Variants in MAML2 observed in about 807,000 individuals in gnomAD.
The protein encoded by MAML2 is mastermind-like protein 2.
Under a neutral mutation model 96.1 loss-of-function variants are expected in MAML2, and 22 were observed. That is an observed-to-expected ratio of 0.23 (90% confidence interval 0.16 to 0.33). MAML2 has a LOEUF of 0.33. Among genes scored for constraint, MAML2 ranks in the 10% least tolerant of loss-of-function variants. The pLI is 1.00. For synonymous variants in MAML2, 561 were observed against 521.3 expected (o/e 1.08, Z -1.04); for missense variants, 1,367 against 1,392.4 (o/e 0.98, Z 0.29).
At chr11:96,289,380 T>C (rs1332032317) in intron 1 of MAML2, among the ~76,000 whole-genome samples, 1 of 152,210 alleles carries the variant, frequency 6.6e-6, no homozygotes, top group Non-Finnish European at 1.5e-5. Flanking sequence ...AACAGATCCT[T>C]ATACTTAAAC....
chr11:96,126,753 A>G (rs1165235479), intron 1 of MAML2, among the ~76,000 whole-genome samples: 2 of 152,326 alleles, frequency 1.3e-5, no homozygotes, highest in East Asian at 3.9e-4. Flanking sequence ...AAAACAATAT[A>G]AATCCAATTA....
intron 1 of MAML2, among the ~76,000 whole-genome samples, chr11:96,273,130 G>A (rs1449094322): frequency 6.6e-6 from 1 of 152,150 alleles, no homozygotes; most frequent in African/African-American, 2.4e-5. Context: ...ATGGAAACAA[G>A]AGGACAGTCA....
chr11:96,024,712 C>CCATT (rs1289951136), intron 2 of MAML2, among the ~76,000 whole-genome samples: 1 of 152,132 alleles, frequency 6.6e-6, no homozygotes, highest in Admixed American at 6.6e-5. Context: ...TGGCTGTCAC[C>CCATT]CATTCACCTT....
At chr11:96,328,936 A>G (rs1222069340) in intron 1 of MAML2, among the ~76,000 whole-genome samples, 1 of 152,206 alleles carries the variant, frequency 6.6e-6, no homozygotes, top group Non-Finnish European at 1.5e-5. Context: ...TGAAGTGGTG[A>G]CACATATAAA....
chr11:96,104,716 A>G (rs1158824865), intron 1 of MAML2, among the ~76,000 whole-genome samples: 1 of 152,208 alleles, frequency 6.6e-6, no homozygotes, highest in East Asian at 1.9e-4. Context: ...GTGCACAGCA[A>G]CAGACAGGGA....
chr11:96,193,729 T>C (rs1026235110), intron 1 of MAML2, among the ~76,000 whole-genome samples: 1 of 152,242 alleles, frequency 6.6e-6, no homozygotes, highest in Non-Finnish European at 1.5e-5. Context: ...TTCTTTAGTT[T>C]TTATCCTTTT....
At chr11:96,054,676 A>G (rs1859034882) in intron 2 of MAML2, among the ~76,000 whole-genome samples, 1 of 152,190 alleles carries the variant, frequency 6.6e-6, no homozygotes, top group South Asian at 2.1e-4. Context: ...CCATATAACC[A>G]TATTAACCCT....
intron 1 of MAML2, among the ~76,000 whole-genome samples, chr11:96,104,880 A>G (rs191584650): frequency 3.0e-4 from 46 of 152,318 alleles, no homozygotes; most frequent in Non-Finnish European, 6.2e-4. Flanking sequence ...AAAACTTTCC[A>G]ATTCCTAATT....
chr11:96,286,217 C>T (rs529381454), intron 1 of MAML2, among the ~76,000 whole-genome samples: 97 of 152,286 alleles, frequency 6.4e-4, no homozygotes, highest in South Asian at 2.1e-3. Context: ...AGCAAACTAA[C>T]GCAGGAACAG....
intron 1 of MAML2, among the ~76,000 whole-genome samples, chr11:96,337,798 C>T (rs1029155513): frequency 5.9e-5 from 9 of 152,232 alleles, no homozygotes; most frequent in Non-Finnish European, 1.2e-4. Context: ...ACTACTAACA[C>T]TAGTATTGCA....
At chr11:96,002,848 G>GGATGATGGGGATGATGAAAT (rs1858109662) in intron 2 of MAML2, among the ~76,000 whole-genome samples, 1 of 137,140 alleles carries the variant, frequency 7.3e-6, no homozygotes, top group African/African-American at 2.7e-5. Flanking sequence ...ATGATGAGGA[G>GGATGATGGGGATGATGAAAT]GATGATGGGG....
At chr11:96,175,094 G>A (rs1055647377) in intron 1 of MAML2, among the ~76,000 whole-genome samples, 1 of 152,184 alleles carries the variant, frequency 6.6e-6, no homozygotes, top group Non-Finnish European at 1.5e-5. Flanking sequence ...AACTCCTGGG[G>A]CTGACTTCTT....
intron 3 of MAML2, among the ~76,000 whole-genome samples, chr11:95,989,462 G>C (rs1857877363): frequency 6.6e-6 from 1 of 152,194 alleles, no homozygotes; most frequent in Non-Finnish European, 1.5e-5. Flanking sequence ...GACCCTCATG[G>C]AATGTATATG....
chr11:96,251,705 G>GA (rs1193598165), intron 1 of MAML2, among the ~76,000 whole-genome samples: 2 of 148,832 alleles, frequency 1.3e-5, no homozygotes, highest in African/African-American at 2.5e-5. Flanking sequence ...AGCATCAACA[G>GA]AAAAAAAGAG....
intron 2 of MAML2, among the ~76,000 whole-genome samples, chr11:96,017,522 T>G (rs922112895): frequency 6.6e-6 from 1 of 152,068 alleles, no homozygotes; most frequent in African/African-American, 2.4e-5. Flanking sequence ...AACCAACATT[T>G]TAGTGTAGGA....
At chr11:96,322,569 G>A (rs1319214174) in intron 1 of MAML2, among the ~76,000 whole-genome samples, 1 of 151,960 alleles carries the variant, frequency 6.6e-6, no homozygotes, top group African/African-American at 2.4e-5. Flanking sequence ...GCGGGCGCCT[G>A]TATTCCCAGC....
At chr11:96,049,457 T>A (rs1858957118) in intron 2 of MAML2, among the ~76,000 whole-genome samples, 1 of 152,222 alleles carries the variant, frequency 6.6e-6, no homozygotes, top group African/African-American at 2.4e-5. Context: ...GTTCCCAGTG[T>A]GTTTATAGAT....
chr11:95,985,658 G>A lies in MAML2; in HGVS notation c.2344-16C>T. ...CAATTTTCTCCTTGAGAAATGATATGAAAGCATATTATGTTGCATCATTCC... is the reference window on the plus strand; with the variant it reads ...CAATTTTCTCCTTGAGAAATGATATAAAAGCATATTATGTTGCATCATTCC... On this transcript the variant is annotated splice_polypyrimidine_tract_variant and intron_variant, in intron 3 of 4. Coordinates refer to ENST00000524717, the MANE Select transcript of MAML2 (RefSeq NM_032427.4). 1 of 1,502,558 alleles carries A rather than the reference G, an allele frequency of 6.7e-7. No individual in the cohort carries two copies. Among genetic ancestry groups the A allele is most frequent in the South Asian group, 1.2e-5 (1 of 86,538 alleles). The allele number at this position is 1,502,558 out of a possible 1,614,324, so 93.1% of individuals were successfully genotyped here.
At chr11:95,988,409 C>T (rs1857862311) in intron 3 of MAML2, among the ~76,000 whole-genome samples, 1 of 151,442 alleles carries the variant, frequency 6.6e-6, no homozygotes, top group Admixed American at 6.6e-5. Flanking sequence ...CAGGTGCCCG[C>T]CATCATGCCC....
Sources: gnomAD v4.1 joint callset for allele counts (sites outside exome capture counted in the v4.1 genomes callset) on GRCh38, gnomAD v4.1.1 for gene constraint, MANE v1.5 for transcripts, NCBI Gene and HGNC (gene_info 2026-07-23, HGNC 2026-07-21) for gene names.